Variants in VOPP1 observed in about 807,000 individuals in gnomAD.
VOPP1 encodes the protein VOPP1 WW domain binding protein, also known as WW domain binding protein VOPP1.
In VOPP1, 8 loss-of-function variants were observed where a neutral mutation model predicts 23.5. The observed-to-expected ratio is 0.34, with a 90% CI of 0.20 to 0.61. The LOEUF is 0.61. VOPP1 is among the 20% of genes least tolerant of loss of function. The pLI is 0.78. For synonymous variants in VOPP1, 83 were observed against 97.3 expected (o/e 0.85, Z 0.86); for missense variants, 174 against 238.1 (o/e 0.73, Z 1.77).
intron 1 of VOPP1, among the ~76,000 whole-genome samples, chr7:55,541,015 C>T (rs765304502): frequency 3.3e-5 from 5 of 152,044 alleles, no homozygotes; most frequent in Non-Finnish European, 7.4e-5. Context: ...AACGACAACC[C>T]GCAGAAACGG....
chr7:55,447,104 T>A (rs1437265644), intron 4 of VOPP1, among the ~76,000 whole-genome samples: 1 of 152,146 alleles, frequency 6.6e-6, no homozygotes, highest in African/African-American at 2.4e-5. Context: ...CTATGTGCAA[T>A]TCATCAACCA....
At chr7:55,568,585 A>C (rs1798241769) in intron 1 of VOPP1, among the ~76,000 whole-genome samples, 1 of 152,234 alleles carries the variant, frequency 6.6e-6, no homozygotes, top group South Asian at 2.1e-4. Flanking sequence ...CATACTATAC[A>C]TTTCTGGGCT....
intron 4 of VOPP1, among the ~76,000 whole-genome samples, chr7:55,474,250 C>G (rs1792065021): frequency 6.6e-6 from 1 of 152,232 alleles, no homozygotes; most frequent in Non-Finnish European, 1.5e-5. Flanking sequence ...TGCATCTCAC[C>G]CGCTGCCTTG....
At chr7:55,521,802 C>T (rs2129041862) in intron 1 of VOPP1, 1 of 985,628 alleles carries the variant, frequency 1.0e-6, no homozygotes, top group Middle Eastern at 5.2e-4. Flanking sequence ...CAGATGCCAC[C>T]TGGAGGCTCT....
intron 1 of VOPP1, among the ~76,000 whole-genome samples, chr7:55,525,669 G>A (rs533036658): frequency 6.6e-6 from 1 of 151,446 alleles, no homozygotes; most frequent in East Asian, 1.9e-4. Flanking sequence ...CGTGGTACTC[G>A]ATCATCTAGG....
chr7:55,568,657 C>G (rs1365253898), intron 1 of VOPP1, among the ~76,000 whole-genome samples: 1 of 152,170 alleles, frequency 6.6e-6, no homozygotes, highest in Admixed American at 6.5e-5. Context: ...GTGTAACCAA[C>G]CAAACCTCTA....
In VOPP1 at chr7:55,471,020, G is replaced by A. The variant is rs1250399311; in HGVS notation, c.*1835C>T. On this transcript the variant is annotated 3_prime_UTR_variant, in exon 5 of 5. Transcript: ENST00000285279. ...AAAAAGACAAACGAAATTTAGTCAC[G>A]GACTTTTGGGTGCCTATTCAGCTGC... 3.3e-5 allele frequency: 5 copies of A among 152,212 alleles called. No individual in the cohort carries two copies. Among genetic ancestry groups the A allele is most frequent in the South Asian group, 2.1e-4 (1 of 4,820 alleles). 9.4% of individuals were successfully genotyped at this position (152,212 alleles called of 1,614,324 possible).
intron 4 of VOPP1, among the ~76,000 whole-genome samples, chr7:55,445,991 C>CTTTTTT (rs3066310): frequency 7.8e-6 from 1 of 128,334 alleles, no homozygotes; most frequent in Non-Finnish European, 1.6e-5. Flanking sequence ...CCAGGTGAAA[C>CTTTTTT]TTTTTTTTTT....
chr7:55,544,496 G>A (rs866264744), intron 1 of VOPP1, among the ~76,000 whole-genome samples: 3 of 152,168 alleles, frequency 2.0e-5, no homozygotes, highest in Non-Finnish European at 4.4e-5. Flanking sequence ...AAAAACTTGC[G>A]AGAAAAGATA....
chr7:55,461,002 T>C (rs974739553), intron 4 of VOPP1, among the ~76,000 whole-genome samples: 9 of 151,904 alleles, frequency 5.9e-5, no homozygotes, highest in Admixed American at 5.9e-4. Flanking sequence ...ATACATATAT[T>C]ATATATGTGT....
intron 1 of VOPP1, among the ~76,000 whole-genome samples, chr7:55,569,317 C>G (rs189959315): frequency 1.3e-5 from 2 of 152,310 alleles, no homozygotes; most frequent in East Asian, 1.9e-4. Context: ...TAACAACATC[C>G]TATTTCACTC....
intron 4 of VOPP1, among the ~76,000 whole-genome samples, chr7:55,452,580 A>G (rs906245035): frequency 1.3e-5 from 2 of 152,240 alleles, no homozygotes; most frequent in Admixed American, 6.5e-5. Context: ...GTCATAAACA[A>G]TAAGACTTGA....
At chr7:55,527,238 C>T (rs1796241610) in intron 1 of VOPP1, among the ~76,000 whole-genome samples, 2 of 152,284 alleles carry the variant, frequency 1.3e-5, no homozygotes, top group East Asian at 1.9e-4. Context: ...ATTACTTAAT[C>T]CCCAGGTTTA....
In VOPP1 at chr7:55,517,574, G is replaced by C. The variant is rs144380623; in HGVS notation, c.113+3498C>G. 4.6e-5 allele frequency among the ~76,000 whole-genome samples: 7 copies of C among 152,276 alleles called. 1 individual carries two copies. The highest frequency in any genetic ancestry group is 4.6e-4 in the Admixed American group (7 of 15,306). ...CCCAGCAGCAGGGCGAGCTGGGCTG[G>C]ATGTGAGTCTCCTGTACCTGCACTG... On this transcript the variant is annotated intron_variant, in intron 2 of 4. Coordinates refer to ENST00000285279, the MANE Select transcript of VOPP1 (RefSeq NM_030796.5).
intron 1 of VOPP1, chr7:55,562,126 A>G (rs973816715): frequency 1.6e-5 from 11 of 699,876 alleles, no homozygotes; most frequent in Non-Finnish European, 2.6e-5. Context: ...TCTAATGTAC[A>G]GCCAACGCTG....
At chr7:55,521,330 A>C (rs1170533447) in intron 1 of VOPP1, among the ~76,000 whole-genome samples, 200 bp from the exon 2 acceptor site, 2 of 152,060 alleles carry the variant, frequency 1.3e-5, no homozygotes, top group Non-Finnish European at 2.9e-5. Context: ...CTATTTTTCT[A>C]TTTTTTCATA....
intron 2 of VOPP1, among the ~76,000 whole-genome samples, chr7:55,504,130 C>T (rs1484405223): frequency 1.3e-5 from 2 of 152,174 alleles, no homozygotes; most frequent in Non-Finnish European, 2.9e-5. Context: ...TCACTAAGCA[C>T]TTGCTGGTAC....
At chr7:55,482,555 G>A (rs1273955326) in intron 4 of VOPP1, among the ~76,000 whole-genome samples, 3 of 150,676 alleles carry the variant, frequency 2.0e-5, no homozygotes, top group Admixed American at 6.6e-5. Flanking sequence ...GAGGTAGGGC[G>A]GTCTCGATCT....
chr7:55,553,363 C>T (rs1797689856), intron 1 of VOPP1, among the ~76,000 whole-genome samples: 1 of 152,098 alleles, frequency 6.6e-6, no homozygotes, highest in Non-Finnish European at 1.5e-5. Flanking sequence ...AAGGGGACTG[C>T]TTCCCAGAGT....
Sources: allele counts gnomAD v4.1 joint callset (sites outside exome capture counted in the v4.1 genomes callset), GRCh38; gene constraint gnomAD v4.1.1; transcripts MANE v1.5; gene names NCBI Gene and HGNC (gene_info 2026-07-23, HGNC 2026-07-21).